The following SESN3 variants were observed in gnomAD, a reference collection of about 807,000 sequenced individuals.
The protein encoded by SESN3 is sestrin-3.
In SESN3, 21 loss-of-function variants were observed where a neutral mutation model predicts 55.3. That is an observed-to-expected ratio of 0.38 (90% CI 0.27 to 0.55). SESN3 has a LOEUF of 0.55. Among genes scored for constraint, SESN3 ranks in the 20% least tolerant of loss-of-function variants. The pLI, the probability that SESN3 is intolerant of heterozygous loss-of-function variation, is 0.76. For missense variants in SESN3, 408 were observed against 604.3 expected (o/e 0.68, Z 3.41); for synonymous variants, 181 against 203.1 (o/e 0.89, Z 0.93).
chr11:95,228,401 C>T (rs1038943145), intron 1 of SESN3, among the ~76,000 whole-genome samples: 1 of 152,298 alleles, frequency 6.6e-6, no homozygotes, highest in African/African-American at 2.4e-5. Flanking sequence ...ATGAATTAGA[C>T]TGAACAAACA....
intron 1 of SESN3, among the ~76,000 whole-genome samples, chr11:95,217,419 G>A (rs1479269253): frequency 6.6e-6 from 1 of 152,172 alleles, no homozygotes; most frequent in Non-Finnish European, 1.5e-5. Context: ...GGGAGGCCAA[G>A]GTGGGTGGAT....
At chr11:95,226,112 GA>G (rs1860944223) in intron 1 of SESN3, among the ~76,000 whole-genome samples, 2 of 151,166 alleles carry the variant, frequency 1.3e-5, no homozygotes, top group African/African-American at 4.9e-5. Flanking sequence ...AAACAGGACA[GA>G]AAAGTGAGTA....
In SESN3 at chr11:95,178,802, A is replaced by T; in HGVS notation, c.964T>A (p.Ser322Thr). 1 of 1,606,932 alleles carries T rather than the reference A, an allele frequency of 6.2e-7. No individual in the cohort carries two copies. Among genetic ancestry groups the T allele is most frequent in the Admixed American group, 1.7e-5 (1 of 60,014 alleles). Reference protein sequence around the residue: ...SDFEDDMIITSDVSRYIEDPG... With the variant: ...SDFEDDMIITTDVSRYIEDPG... ...TCTTCAATATATCGAGAGACATCAG[A>T]TGTTATAATCATGTCATCCTCAAAA... Residue 322 changes from serine to threonine, a missense_variant, in exon 7 of 10, where the codon TCT (serine) becomes ACT (threonine). Coordinates refer to ENST00000536441, the MANE Select transcript of SESN3 (RefSeq NM_144665.4).
chr11:95,216,406 T>G (rs1860757529), intron 1 of SESN3, among the ~76,000 whole-genome samples: 1 of 152,232 alleles, frequency 6.6e-6, no homozygotes, highest in Non-Finnish European at 1.5e-5. Context: ...GCACTTTTTA[T>G]GAATGATAAC....
At chr11:95,216,414 AAC>A (rs1329557670) in intron 1 of SESN3, among the ~76,000 whole-genome samples, 3 of 152,252 alleles carry the variant, frequency 2.0e-5, no homozygotes, top group Non-Finnish European at 4.4e-5. Flanking sequence ...TATGAATGAT[AAC>A]ACAGTAGTTT....
chr11:95,167,896 C>T lies in SESN3; in HGVS notation c.*5359G>A, dbSNP rs1028458365. The T allele has an allele frequency of 6.6e-6, 1 of 152,092 alleles. No homozygotes were observed. Among genetic ancestry groups the T allele is most frequent in the African/African-American group, 2.4e-5 (1 of 41,410 alleles). The allele number at this position is 152,092 out of a possible 1,614,324, so 9.4% of individuals were successfully genotyped here. On this transcript the variant is annotated 3_prime_UTR_variant, in exon 10 of 10. Transcript: ENST00000536441. ...CATTTCCTCTTCCTTCTGGATATAC[C>T]CGAAGTGCGGCTAGGAGAATAAAGA...
intron 1 of SESN3, among the ~76,000 whole-genome samples, chr11:95,219,719 C>T (rs1860823794): frequency 6.6e-6 from 1 of 152,032 alleles, no homozygotes; most frequent in African/African-American, 2.4e-5. Flanking sequence ...CACAGCACAA[C>T]CGACAAGCAC....
At chr11:95,228,780 G>A (rs555356917) in intron 1 of SESN3, among the ~76,000 whole-genome samples, 183 of 152,302 alleles carry the variant, frequency 1.2e-3, no homozygotes, top group Middle Eastern at 6.8e-3. Context: ...TACTGGCAGA[G>A]ATGTGCTCAG....
intron 1 of SESN3, among the ~76,000 whole-genome samples, chr11:95,208,162 AAAT>A (rs1860585543): frequency 6.6e-6 from 1 of 151,582 alleles, no homozygotes; most frequent in Non-Finnish European, 1.5e-5. Flanking sequence ...GTAGTCTTTT[AAAT>A]AATCTTTATA....
rs117135543 is a variant in SESN3, at chr11:95,229,757, T to A, written c.78+1026A>T. ...GACTAAAAACGGTACCATATTCATC[T>A]CCGCTTTCAGTCCCGATGCATTTGC... On this transcript the variant is annotated intron_variant, in intron 1 of 9. Coordinates refer to ENST00000536441, the MANE Select transcript of SESN3 (RefSeq NM_144665.4). Among the ~76,000 whole-genome samples the A allele has an allele frequency of 3.9e-5, 6 of 152,336 alleles. No individual in the cohort carries two copies. In the East Asian group the frequency reaches 1.2e-3, roughly 29 times the overall value.
At chr11:95,184,395 A>G in intron 6 of SESN3, 25 bp downstream of exon 6, 1 of 1,611,434 alleles carries the variant, frequency 6.2e-7, no homozygotes, top group Non-Finnish European at 8.5e-7. Flanking sequence ...GAACAACTAA[A>G]AGGCAAAAAA....
chr11:95,206,653 C>A (rs998696677), intron 1 of SESN3, among the ~76,000 whole-genome samples: 1 of 151,954 alleles, frequency 6.6e-6, no homozygotes, highest in Admixed American at 6.6e-5. Flanking sequence ...CTTTTCTGTT[C>A]TTTATCTTTC....
chr11:95,193,961 T>C (rs2134237561), intron 1 of SESN3, among the ~76,000 whole-genome samples: 1 of 152,208 alleles, frequency 6.6e-6, no homozygotes, highest in South Asian at 2.1e-4. Context: ...TCCCCTAAAA[T>C]AGCAATAAGC....
intron 1 of SESN3, among the ~76,000 whole-genome samples, chr11:95,206,507 G>A (rs1333526164): frequency 6.6e-6 from 1 of 151,962 alleles, no homozygotes; most frequent in Non-Finnish European, 1.5e-5. Context: ...GAAAGAAAAA[G>A]CTATAATTAT....
At chr11:95,180,456 G>A (rs917357077) in intron 6 of SESN3, among the ~76,000 whole-genome samples, 2 of 151,994 alleles carry the variant, frequency 1.3e-5, no homozygotes, top group African/African-American at 4.8e-5. Context: ...AAGTGCTCCG[G>A]TTACCCAATT....
chr11:95,176,613 TTC>T (rs1409446434), intron 8 of SESN3, among the ~76,000 whole-genome samples: 1 of 152,188 alleles, frequency 6.6e-6, no homozygotes, highest in Admixed American at 6.5e-5. Flanking sequence ...CTTGTGGAAT[TTC>T]TCTGTTACAT....
intron 1 of SESN3, among the ~76,000 whole-genome samples, chr11:95,223,474 T>A (rs1449021857): frequency 1.3e-5 from 2 of 152,178 alleles, no homozygotes. Context: ...TAAAGGAGAA[T>A]ATTCCTTCAA....
chr11:95,215,445 C>A (rs550120556), intron 1 of SESN3, among the ~76,000 whole-genome samples: 1 of 152,062 alleles, frequency 6.6e-6, no homozygotes, highest in Non-Finnish European at 1.5e-5. Context: ...ACGATAGCTA[C>A]GGTCTGGGGG....
Position 95,184,514 on chromosome 11 carries a change from C to T in SESN3, c.843G>A (p.Ala281=), listed in dbSNP as rs189757692. ...RLQEEREDEE[A]SQEEMSTRFE... The stretch of plus-strand genomic sequence containing the variant: ...AACGAGTGCTCATTTCTTCTTGAGA[C>T]GCCTCTTCATCTTCCCTTTCTTCTT... Residue 281 remains alanine (A), a synonymous_variant, in exon 6 of 10, where the codon GCG becomes GCA. Coordinates refer to ENST00000536441, the MANE Select transcript of SESN3 (RefSeq NM_144665.4). The T allele has an allele frequency of 3.1e-5, 50 of 1,613,462 alleles. No homozygotes were observed. Among genetic ancestry groups the T allele is most frequent in the African/African-American group, 2.1e-4 (16 of 75,016 alleles).
Sources: allele counts gnomAD v4.1 joint callset (sites outside exome capture counted in the v4.1 genomes callset), GRCh38; gene constraint gnomAD v4.1.1; transcripts MANE v1.5; gene names NCBI Gene and HGNC (gene_info 2026-07-23, HGNC 2026-07-21).